Variants in PACS1 observed in about 807,000 individuals in gnomAD.
The protein encoded by PACS1 is phosphofurin acidic cluster sorting protein 1.
Under a neutral mutation model 115.0 loss-of-function variants are expected in PACS1, and 24 were observed. The observed-to-expected ratio is 0.21, with a 90% CI of 0.15 to 0.29. The LOEUF (loss-of-function observed/expected upper bound fraction) is 0.29, where lower values mean the gene tolerates loss of function less well. PACS1 is among the 10% of genes least tolerant of loss of function. PACS1 has a pLI of 1.00. For missense variants in PACS1, 838 were observed against 1,251.2 expected, an observed-to-expected ratio of 0.67 and a Z score of 4.98; for synonymous variants, 453 against 504.5, an observed-to-expected ratio of 0.90 and a Z score of 1.37.
At chr11:66,121,621 CG>C (rs1858443796) in intron 1 of PACS1, among the ~76,000 whole-genome samples, 1 of 152,118 alleles carries the variant, frequency 6.6e-6, no homozygotes, top group South Asian at 2.1e-4. Flanking sequence ...CAGTGAACTC[CG>C]GAATGCTAAG....
chr11:66,202,571 A>G (rs141991279), intron 2 of PACS1, among the ~76,000 whole-genome samples: 18 of 151,752 alleles, frequency 1.2e-4, no homozygotes, highest in African/African-American at 3.1e-4. Flanking sequence ...AGAATGAAGG[A>G]CAAAACCCAT....
At chr11:66,134,611 C>T (rs756292238) in intron 1 of PACS1, among the ~76,000 whole-genome samples, 39 of 151,674 alleles carry the variant, frequency 2.6e-4, no homozygotes, top group Non-Finnish European at 5.2e-4. Flanking sequence ...TTTCCAATGG[C>T]TTATAGTTTA....
chr11:66,138,161 G>A (rs1165629178), intron 1 of PACS1, among the ~76,000 whole-genome samples: 1 of 151,892 alleles, frequency 6.6e-6, no homozygotes, highest in East Asian at 1.9e-4. Flanking sequence ...GCCTGATCAT[G>A]GCTCACTGCA....
chr11:66,076,279 A>C (rs527626521), intron 1 of PACS1, among the ~76,000 whole-genome samples: 2 of 152,328 alleles, frequency 1.3e-5, no homozygotes, highest in South Asian at 4.1e-4. Context: ...CCAATTTCTT[A>C]GCTAAGCCAG....
intron 1 of PACS1, among the ~76,000 whole-genome samples, chr11:66,157,787 A>T (rs1283447466): frequency 1.3e-5 from 2 of 151,888 alleles, no homozygotes; most frequent in Non-Finnish European, 2.9e-5. Context: ...ATACTCATTT[A>T]TAAGCCCCTC....
At chr11:66,230,207 A>G (rs1004824145) in intron 11 of PACS1, among the ~76,000 whole-genome samples, 1 of 151,904 alleles carries the variant, frequency 6.6e-6, no homozygotes, top group Non-Finnish European at 1.5e-5. Flanking sequence ...TAGACCAGAT[A>G]AGGTCCGGTC....
chr11:66,240,867 A>G (rs1855798337), intron 21 of PACS1: 1 of 152,214 alleles, frequency 6.6e-6, no homozygotes, highest in African/African-American at 2.4e-5. Flanking sequence ...TGTGTCTGAC[A>G]CCTCCTTTCA....
chr11:66,230,331 G>T, intron 11 of PACS1: 3 of 558,254 alleles, frequency 5.4e-6, no homozygotes, highest in Admixed American at 3.1e-5. Flanking sequence ...TTACTGGATT[G>T]CAGCATATGG....
chr11:66,243,345 G>A lies in PACS1; in HGVS notation c.*65G>A. 1 of 1,172,362 alleles carries A rather than the reference G, an allele frequency of 8.5e-7. No homozygotes were observed. The highest frequency in any genetic ancestry group is 1.2e-6 in the Non-Finnish European group (1 of 814,540). 72.6% of individuals were successfully genotyped at this position (1,172,362 alleles called of 1,614,324 possible). ...CCAGCCTCACCGCCTGCGGGCAGGGGGAGGCCAGCAGGCCCGGGCCCAGCA... is the reference window on the plus strand; with the variant it reads ...CCAGCCTCACCGCCTGCGGGCAGGGAGAGGCCAGCAGGCCCGGGCCCAGCA... On this transcript the variant is annotated 3_prime_UTR_variant, in exon 24 of 24. Transcript: ENST00000320580.
chr11:66,176,500 G>A (rs989969278), intron 1 of PACS1, among the ~76,000 whole-genome samples: 1 of 149,602 alleles, frequency 6.7e-6, no homozygotes, highest in Non-Finnish European at 1.5e-5. Flanking sequence ...TGCAACGTCT[G>A]CCTCCTGAGT....
At chr11:66,107,917 G>A (rs1440763922) in intron 1 of PACS1, among the ~76,000 whole-genome samples, 1 of 152,112 alleles carries the variant, frequency 6.6e-6, no homozygotes. Context: ...ACCCACTTAG[G>A]AGAAATCTAA....
chr11:66,205,101 C>T (rs899541654), intron 2 of PACS1, among the ~76,000 whole-genome samples: 1 of 152,128 alleles, frequency 6.6e-6, no homozygotes, highest in African/African-American at 2.4e-5. Flanking sequence ...TCTCCTACCT[C>T]AGCCTCCCAA....
chr11:66,238,961 A>C (rs894859363), intron 20 of PACS1, 115 bp downstream of exon 20: 56 of 1,370,252 alleles, frequency 4.1e-5, no homozygotes, highest in Admixed American at 1.2e-4. Flanking sequence ...TCAGAGCTTG[A>C]GCAGGAAGCC....
At chr11:66,123,189 C>T (rs1200925020) in intron 1 of PACS1, among the ~76,000 whole-genome samples, 2 of 137,686 alleles carry the variant, frequency 1.5e-5, no homozygotes, top group African/African-American at 5.4e-5. Context: ...AAATTGTTAG[C>T]TTTTTTTTTT....
chr11:66,071,510 C>T (rs546119244), intron 1 of PACS1, among the ~76,000 whole-genome samples: 1 of 152,332 alleles, frequency 6.6e-6, no homozygotes, highest in African/African-American at 2.4e-5. Context: ...CAATCCATTG[C>T]TCTCTGTCTG....
At chr11:66,076,599 G>T (rs1857402889) in intron 1 of PACS1, among the ~76,000 whole-genome samples, 1 of 152,122 alleles carries the variant, frequency 6.6e-6, no homozygotes. Flanking sequence ...CCCCATGTTG[G>T]CCAGGCTGGT....
intron 1 of PACS1, among the ~76,000 whole-genome samples, chr11:66,124,596 G>A (rs1392019528): frequency 1.3e-5 from 2 of 152,096 alleles, no homozygotes; most frequent in Non-Finnish European, 2.9e-5. Context: ...AGCCTTTCTT[G>A]CATTTTAATG....
intron 11 of PACS1, 80 bp downstream of exon 11, chr11:66,227,664 G>T: frequency 1.2e-6 from 1 of 842,746 alleles, no homozygotes. Context: ...AGGACCCTCA[G>T]GACCACCATA....
intron 11 of PACS1, among the ~76,000 whole-genome samples, chr11:66,229,482 G>A (rs962685545): frequency 6.6e-6 from 1 of 151,808 alleles, no homozygotes; most frequent in African/African-American, 2.4e-5. Flanking sequence ...GGCGGATCAC[G>A]AGGTCAGGAG....
Sources: allele counts gnomAD v4.1 joint callset (sites outside exome capture counted in the v4.1 genomes callset), GRCh38; gene constraint gnomAD v4.1.1; transcripts MANE v1.5; gene names NCBI Gene and HGNC (gene_info 2026-07-23, HGNC 2026-07-21).